Variants in VPS41 observed in about 807,000 individuals in gnomAD.
The protein encoded by VPS41 is VPS41 subunit of HOPS complex, also known as vacuolar protein sorting-associated protein 41 homolog.
Under a neutral mutation model 130.9 loss-of-function variants are expected in VPS41, and 85 were observed. The observed-to-expected ratio is 0.65, with a 90% confidence interval of 0.55 to 0.78. The LOEUF is 0.78. Among genes scored for constraint, VPS41 ranks in the 30% least tolerant of loss-of-function variants. The pLI is 0.00. For synonymous variants in VPS41, 335 were observed against 332.9 expected (o/e 1.01, Z -0.07); for missense variants, 874 against 1,018.7 (o/e 0.86, Z 1.93).
rs1231314223 is a variant in VPS41 at position 38,723,241 on chromosome 7, T to C, written c.*3005A>G. ...GGATCCTTGCAGTTCCAACCTGTGT[T>C]GTTCAAGGGTCAACTATATATAGCT... is the stretch of plus-strand genomic sequence containing the variant. On this transcript the variant is annotated 3_prime_UTR_variant, in exon 29 of 29. Transcript: ENST00000310301. 6.6e-6 allele frequency: 1 copy of C among 152,160 alleles called. No individual in the cohort carries two copies. The highest frequency in any genetic ancestry group is 1.5e-5 in the Non-Finnish European group (1 of 68,032). The allele number at this position is 152,160 out of a possible 1,614,324, so 9.4% of individuals were successfully genotyped here. A position where few individuals can be genotyped will look rare whatever the true frequency, so the allele number is the denominator to read the frequency against.
intron 3 of VPS41, among the ~76,000 whole-genome samples, chr7:38,865,957 G>T (rs958214387): frequency 2.0e-5 from 3 of 152,174 alleles, no homozygotes; most frequent in African/African-American, 7.2e-5. Flanking sequence ...TGAGGTTTCT[G>T]GAAGATTACT....
chr7:38,796,367 G>C, intron 8 of VPS41: 1 of 422,488 alleles, frequency 2.4e-6, no homozygotes, highest in Admixed American at 2.8e-5. Context: ...GGGAGTAAAA[G>C]AGAAATCAGC....
At chr7:38,829,566 C>T (rs896248419) in intron 5 of VPS41, among the ~76,000 whole-genome samples, 4 of 152,044 alleles carry the variant, frequency 2.6e-5, no homozygotes, top group African/African-American at 9.7e-5. Context: ...AGATTTCCAT[C>T]GACTTAAAAA....
At chr7:38,890,981 C>T (rs997854598) in intron 2 of VPS41, among the ~76,000 whole-genome samples, 8 of 151,036 alleles carry the variant, frequency 5.3e-5, no homozygotes, top group Admixed American at 2.0e-4. Context: ...TGTGAATATA[C>T]GGTTATTTCA....
intron 24 of VPS41, 31 bp from the exon 25 acceptor site, chr7:38,742,152 A>T: frequency 6.4e-7 from 1 of 1,568,260 alleles, no homozygotes; most frequent in Non-Finnish European, 8.6e-7. Flanking sequence ...CAATGAACAT[A>T]TAAGCAACAT....
rs147257519 is a variant in VPS41, at chr7:38,841,253, G to A, written c.247-10925C>T. On this transcript the variant is annotated intron_variant, in intron 4 of 28. Transcript: ENST00000310301. ...GCCTCAGATGTACTTCATTCCTCAC[G>A]AGTGTGGATGTGGAAAATATATATA... Among the ~76,000 whole-genome samples, 6 of 152,274 alleles carry A rather than the reference G, an allele frequency of 3.9e-5. No individual in the cohort carries two copies. The East Asian group carries it at 5.8e-4, about 15-fold the overall frequency.
intron 17 of VPS41, among the ~76,000 whole-genome samples, chr7:38,761,982 C>G (rs1463176944): frequency 6.6e-6 from 1 of 152,142 alleles, no homozygotes; most frequent in Admixed American, 6.5e-5. Context: ...AATAATAATG[C>G]TCAGGGAAAG....
In VPS41 at chr7:38,829,826, A is replaced by T. The variant is rs2116167277; in HGVS notation, c.321+428T>A. ...TGATTGCTTATCAAAAGATTCTATA[A>T]TTCAAGAGAAACATTCATAACTTGT... On this transcript the variant is annotated intron_variant, in intron 5 of 28. Transcript: ENST00000310301. Among the ~76,000 whole-genome samples the T allele has an allele frequency of 1.3e-5, 2 of 152,352 alleles. 1 individual carries two copies. The highest frequency in any genetic ancestry group is 4.1e-4 in the South Asian group (2 of 4,830).
chr7:38,893,964 CTGATA>C (rs1208954638), intron 2 of VPS41, among the ~76,000 whole-genome samples: 1 of 151,968 alleles, frequency 6.6e-6, no homozygotes. Flanking sequence ...AAAAGTCTTA[CTGATA>C]TAATATAAAA....
chr7:38,850,354 G>A (rs751297448), intron 4 of VPS41, among the ~76,000 whole-genome samples: 2 of 152,216 alleles, frequency 1.3e-5, no homozygotes, highest in Non-Finnish European at 2.9e-5. Flanking sequence ...ACCTGTTCAT[G>A]TCATTTGCCC....
chr7:38,900,078 T>A (rs2008199), intron 1 of VPS41, among the ~76,000 whole-genome samples: 1 of 151,896 alleles, frequency 6.6e-6, no homozygotes, highest in African/African-American at 2.4e-5. Context: ...TGAAACCTCA[T>A]CTCTAGAAAA....
At chr7:38,880,325 G>A (rs934393692) in intron 2 of VPS41, among the ~76,000 whole-genome samples, 6 of 152,156 alleles carry the variant, frequency 3.9e-5, no homozygotes, top group African/African-American at 1.4e-4. Context: ...ATTAAAAGAT[G>A]AAGATACATT....
At chr7:38,734,686 C>A (rs1204588160) in intron 25 of VPS41, among the ~76,000 whole-genome samples, 1 of 152,146 alleles carries the variant, frequency 6.6e-6, no homozygotes, top group Non-Finnish European at 1.5e-5. Context: ...GAAACAGCGG[C>A]CATGCGAAAA....
chr7:38,774,629 TA>T (rs960299116), intron 11 of VPS41, among the ~76,000 whole-genome samples: 8 of 151,828 alleles, frequency 5.3e-5, no homozygotes, highest in African/African-American at 1.9e-4. Flanking sequence ...AATAGCAAAA[TA>T]AAAAAATATT....
rs543301854 is a variant in VPS41, at chr7:38,815,534, A to C, written c.450+2283T>G. The stretch of plus-strand genomic sequence containing the variant: ...TGCTATTATCACTGTGATGGTTAAT[A>C]ACAAGTGTCAACTTGATTGGATTGA... On this transcript the variant is annotated intron_variant, in intron 7 of 28. Coordinates refer to ENST00000310301, the MANE Select transcript of VPS41 (RefSeq NM_014396.4). Among the ~76,000 whole-genome samples the C allele has an allele frequency of 7.9e-5, 12 of 152,324 alleles. No homozygotes were observed. In the South Asian group the frequency reaches 2.5e-3, roughly 32 times the overall value.
At chr7:38,845,861 C>T (rs1219932727) in intron 4 of VPS41, among the ~76,000 whole-genome samples, 2 of 152,028 alleles carry the variant, frequency 1.3e-5, no homozygotes, top group East Asian at 3.9e-4. Flanking sequence ...CTTTTCTTTC[C>T]GTATATAAGT....
chr7:38,866,898 T>C (rs989109339), intron 3 of VPS41, among the ~76,000 whole-genome samples: 6 of 152,112 alleles, frequency 3.9e-5, no homozygotes, highest in African/African-American at 1.4e-4. Flanking sequence ...ATCCAGAATT[T>C]AGAATCAGCA....
chr7:38,891,412 G>C lies in VPS41; in HGVS notation c.60+6679C>G, dbSNP rs546388028. ...TCCTTTGTTTATATATGGATTTTGT[G>C]GGGTAGAGAGAAACCAGTATATATC... On this transcript the variant is annotated intron_variant, in intron 2 of 28. Coordinates refer to ENST00000310301, the MANE Select transcript of VPS41 (RefSeq NM_014396.4). Among the ~76,000 whole-genome samples the C allele has an allele frequency of 3.9e-5, 6 of 152,234 alleles. No individual in the cohort carries two copies. The East Asian group carries it at 1.2e-3, about 29-fold the overall frequency.
intron 25 of VPS41, 26 bp downstream of exon 25, chr7:38,741,959 T>G (rs1454001096): frequency 6.2e-7 from 1 of 1,611,540 alleles, no homozygotes; most frequent in Admixed American, 1.7e-5. Context: ...ATTCAGATGC[T>G]CATTTGTCCA....
Sources: allele counts gnomAD v4.1 joint callset (sites outside exome capture counted in the v4.1 genomes callset), GRCh38; gene constraint gnomAD v4.1.1; transcripts MANE v1.5; gene names NCBI Gene and HGNC (gene_info 2026-07-23, HGNC 2026-07-21).